Variants in PHACTR3 observed in about 807,000 individuals in gnomAD.
PHACTR3 encodes phosphatase and actin regulator 3.
PHACTR3 carries 16 observed loss-of-function variants against 66.8 expected under a neutral mutation model. The ratio of observed to expected loss-of-function variants is 0.24; its 90% CI spans 0.16 to 0.36. PHACTR3 has a LOEUF of 0.36. PHACTR3 is among the 10% of genes least tolerant of loss of function. The pLI, the probability that PHACTR3 is intolerant of heterozygous loss-of-function variation, is 1.00. For synonymous variants in PHACTR3, 323 were observed against 292.1 expected (o/e 1.11, Z -1.08); for missense variants, 647 against 719.9 (o/e 0.90, Z 1.16).
At chr20:59,846,811 T>A (rs1049832983) in intron 12 of PHACTR3, among the ~76,000 whole-genome samples, 2 of 152,156 alleles carry the variant, frequency 1.3e-5, no homozygotes, top group Non-Finnish European at 2.9e-5. Flanking sequence ...ATTAACAAAT[T>A]CATCATTTCT....
chr20:59,758,031 C>CTT (rs2039866751), intron 4 of PHACTR3, among the ~76,000 whole-genome samples: 1 of 152,152 alleles, frequency 6.6e-6, no homozygotes, highest in Non-Finnish European at 1.5e-5. Context: ...GGCAGGTTAT[C>CTT]CCTGAGGGCA....
intron 8 of PHACTR3, among the ~76,000 whole-genome samples, chr20:59,809,559 A>T (rs1175871617): frequency 6.6e-6 from 1 of 152,040 alleles, no homozygotes; most frequent in African/African-American, 2.4e-5. Context: ...GTAGCTTCTA[A>T]TCCTTCCCCA....
chr20:59,844,301 A>G (rs2059114516), intron 11 of PHACTR3: 1 of 152,134 alleles, frequency 6.6e-6, no homozygotes. Flanking sequence ...CAGAAATGCC[A>G]CTTCTAGGTA....
At chr20:59,674,431 C>CG (rs1256436002) in intron 1 of PHACTR3, among the ~76,000 whole-genome samples, 1 of 140,402 alleles carries the variant, frequency 7.1e-6, no homozygotes, top group African/African-American at 2.6e-5. Context: ...TCCTGTCCCC[C>CG]CTTCTCCTGT....
chr20:59,584,518 AGT>A (rs530666630), intron 1 of PHACTR3, among the ~76,000 whole-genome samples: 40 of 151,774 alleles, frequency 2.6e-4, no homozygotes, highest in African/African-American at 7.7e-4. Context: ...TACATGCATG[AGT>A]GTGTGCATGC....
In PHACTR3 at chr20:59,773,451, C is replaced by G. The variant is rs2040424301; in HGVS notation, c.924C>G (p.Asp308Glu). 1 of 1,605,702 alleles carries G rather than the reference C, an allele frequency of 6.2e-7. No individual in the cohort carries two copies. The highest frequency in any genetic ancestry group is 1.3e-5 in the African/African-American group (1 of 74,696). ...HRALATKHRQ[D>E]SFQGRESKGS... ...CGCTGGCCACGAAGCACCGCCAGGA[C>G]AGGTGAGGCCCTGCCCCATGAGGGA... Residue 308 changes from aspartate to glutamate, a missense_variant and splice_region_variant, in exon 6 of 13, where the codon GAC becomes GAG. Physicochemically the swap from Asp to Glu is conservative, Grantham distance 45. Coordinates refer to ENST00000371015, the MANE Select transcript of PHACTR3 (RefSeq NM_080672.5).
intron 1 of PHACTR3, among the ~76,000 whole-genome samples, chr20:59,734,618 G>A (rs2038882830): frequency 6.6e-6 from 1 of 151,992 alleles, no homozygotes; most frequent in Admixed American, 6.6e-5. Flanking sequence ...ATAGATGATT[G>A]CTTTGTGTAG....
intron 11 of PHACTR3, 43 bp downstream of exon 11, chr20:59,841,578 A>G: frequency 6.3e-7 from 1 of 1,579,422 alleles, no homozygotes; most frequent in Non-Finnish European, 8.6e-7. Context: ...GGATGATATA[A>G]TAAAGGCAAA....
chr20:59,754,922 C>G (rs1022174653), intron 3 of PHACTR3, among the ~76,000 whole-genome samples: 6 of 152,210 alleles, frequency 3.9e-5, no homozygotes, highest in Admixed American at 3.3e-4. Context: ...GCACTGCAGT[C>G]TCCCACAGGT....
In PHACTR3 at chr20:59,836,529, G is replaced by T. The variant is rs746096288; in HGVS notation, c.1353G>T (p.Val451=). 1 of 1,610,686 alleles carries T rather than the reference G, an allele frequency of 6.2e-7. No homozygotes were observed. The highest frequency in any genetic ancestry group is 8.5e-7 in the Non-Finnish European group (1 of 1,178,844). Residue 451 remains valine, a synonymous_variant, in exon 9 of 13, where the codon GTG becomes GTT. Coordinates refer to ENST00000371015, the MANE Select transcript of PHACTR3 (RefSeq NM_080672.5). ...LSKRLSQRPA[V]EELERRNILK... ...GACGGCTGAGCCAAAGACCTGCCGT[G>T]GAAGAGCTGGAGAGAAGAAATATCT... is the stretch of plus-strand genomic sequence containing the variant.
intron 8 of PHACTR3, among the ~76,000 whole-genome samples, chr20:59,817,229 A>C (rs997850805): frequency 6.6e-6 from 1 of 152,248 alleles, no homozygotes; most frequent in South Asian, 2.1e-4. Context: ...GTGAGCCCTC[A>C]GGACCTCAGT....
chr20:59,650,065 A>G (rs2035412031), intron 1 of PHACTR3, among the ~76,000 whole-genome samples: 1 of 152,200 alleles, frequency 6.6e-6, no homozygotes, highest in Admixed American at 6.5e-5. Context: ...AATGCAATAC[A>G]AAATGTGCAG....
intron 1 of PHACTR3, among the ~76,000 whole-genome samples, chr20:59,674,536 TCC>T (rs1247700634): frequency 9.9e-6 from 1 of 100,606 alleles, no homozygotes; most frequent in East Asian, 3.8e-4. Flanking sequence ...TTCTTCTGTC[TCC>T]CCTTCTGTTC....
chr20:59,626,210 A>G (rs139248292), intron 1 of PHACTR3, among the ~76,000 whole-genome samples: 302 of 152,340 alleles, frequency 2.0e-3, no homozygotes, highest in Non-Finnish European at 2.4e-3. Flanking sequence ...TTGAGTATGC[A>G]TATAGCTATA....
intron 1 of PHACTR3, among the ~76,000 whole-genome samples, chr20:59,613,267 C>G (rs2033917696): frequency 6.6e-6 from 1 of 152,218 alleles, no homozygotes; most frequent in East Asian, 1.9e-4. Flanking sequence ...GAAGTCCAGA[C>G]AGCATGATGG....
At chr20:59,821,001 G>C (rs557025497) in intron 8 of PHACTR3, among the ~76,000 whole-genome samples, 1 of 152,144 alleles carries the variant, frequency 6.6e-6, no homozygotes, top group Non-Finnish European at 1.5e-5. Flanking sequence ...GGGGCTTAGC[G>C]TGTGTGAGTA....
chr20:59,605,279 A>G, intron 1 of PHACTR3, 147 bp downstream of exon 1: 2 of 492,054 alleles, frequency 4.1e-6, no homozygotes, highest in Non-Finnish European at 6.4e-6. Flanking sequence ...TCCTATCCCC[A>G]GTCTCGCAGG....
chr20:59,720,822 C>T (rs16983054), intron 1 of PHACTR3, among the ~76,000 whole-genome samples: 14,184 of 152,248 alleles, frequency 0.093, 2,045 homozygotes, highest in African/African-American at 0.31. Context: ...CATTTGCTTT[C>T]GGAAGGGAAC....
At chr20:59,731,405 AT>A (rs1166194502) in intron 1 of PHACTR3, among the ~76,000 whole-genome samples, 1 of 152,224 alleles carries the variant, frequency 6.6e-6, no homozygotes, top group Non-Finnish European at 1.5e-5. Flanking sequence ...ATACAAAAAA[AT>A]CATCACAATG....
Sources: gnomAD v4.1 joint callset for allele counts (sites outside exome capture counted in the v4.1 genomes callset) on GRCh38, gnomAD v4.1.1 for gene constraint, MANE v1.5 for transcripts, NCBI Gene and HGNC (gene_info 2026-07-23, HGNC 2026-07-21) for gene names.